CBFA2T3: variants seen among roughly 807,000 people sequenced by gnomAD.
CBFA2T3 encodes the protein CBFA2/RUNX1 partner transcriptional co-repressor 3, also known as transcriptional corepressor CBFA2T3.
A neutral mutation model predicts 58.6 loss-of-function variants in CBFA2T3; 31 were observed. The ratio of observed to expected loss-of-function variants is 0.53; its 90% CI spans 0.40 to 0.71. The LOEUF is 0.71. Ranked by LOEUF, CBFA2T3 falls within the 30% of genes least tolerant of loss-of-function variation. CBFA2T3 has a pLI of 0.00. For missense variants in CBFA2T3, 1,076 were observed against 963.1 expected, an observed-to-expected ratio of 1.12 and a Z score of -1.55; for synonymous variants, 531 against 421.9, an observed-to-expected ratio of 1.26 and a Z score of -3.17.
chr16:88,925,461 G>GA (rs924636586), intron 1 of CBFA2T3, among the ~76,000 whole-genome samples: 1 of 152,196 alleles, frequency 6.6e-6, no homozygotes, highest in Non-Finnish European at 1.5e-5. Flanking sequence ...GCAGGGGAGG[G>GA]AGGCCCTTCC....
chr16:88,951,380 TATC>T (rs1304606159), intron 1 of CBFA2T3: 4 of 455,094 alleles, frequency 8.8e-6, no homozygotes, highest in Non-Finnish European at 1.8e-5. Context: ...CTCATTTCCT[TATC>T]ATACAATTCT....
chr16:88,976,692 C>A lies in CBFA2T3; in HGVS notation c.116G>T (p.Cys39Phe), dbSNP rs775930781. 1.5e-5 allele frequency: 23 copies of A among 1,562,054 alleles called. No homozygotes were observed. The highest frequency in any genetic ancestry group is 2.0e-5 in the Non-Finnish European group (23 of 1,153,234). ...LESGLLASAG[C>F]SAPRGPRKGG... is the part of the protein sequence containing the mutation. ...CTTCCTGGGACCCCGGGGTGCGGAG[C>A]AGCCGGCAGATGCCAGGAGGCCGCT... Residue 39 changes from cysteine to phenylalanine, a missense_variant, in exon 1 of 12, where the codon TGC becomes TTC. Cys to Phe is a radical substitution (Grantham distance 205). Transcript: ENST00000268679.
chr16:88,875,655 G>A lies in CBFA2T3; in HGVS notation c.*1321C>T, dbSNP rs1968804277. ...GCCGAGAGAGGTCGGAGGGCGCGGA[G>A]AGGAGAGAGGTAGAGGAGGACGGGC... On this transcript the variant is annotated 3_prime_UTR_variant, in exon 12 of 12. Coordinates refer to ENST00000268679, the MANE Select transcript of CBFA2T3 (RefSeq NM_005187.6). 8.6e-6 allele frequency: 2 copies of A among 233,702 alleles called. No homozygotes were observed. The highest frequency in any genetic ancestry group is 1.8e-4 in the South Asian group (1 of 5,570). The allele number at this position is 233,702 out of a possible 1,614,324, so 14.5% of individuals were successfully genotyped here.
At chr16:88,908,869 GC>G (rs1159699335) in intron 1 of CBFA2T3, among the ~76,000 whole-genome samples, 1 of 152,246 alleles carries the variant, frequency 6.6e-6, no homozygotes, top group Non-Finnish European at 1.5e-5. Context: ...TGCGTGCCAG[GC>G]CTGACCTGAG....
At chr16:88,892,582 T>A in intron 3 of CBFA2T3, 97 bp from the exon 4 acceptor site, 2 of 1,363,262 alleles carry the variant, frequency 1.5e-6, no homozygotes, top group Non-Finnish European at 1.0e-6. Context: ...AAGGTGACAA[T>A]GTCAAAAGTG....
intron 1 of CBFA2T3, 99 bp downstream of exon 1, chr16:88,976,558 T>C: frequency 1.1e-6 from 1 of 912,980 alleles, no homozygotes; most frequent in Non-Finnish European, 1.7e-6. Context: ...CACTGTCAAC[T>C]AAGCTGGGCA....
rs1480191704 is a variant in CBFA2T3 at position 88,885,283 on chromosome 16, C to T, written c.894-14G>A. The T allele has an allele frequency of 6.6e-7, 1 of 1,516,594 alleles. No homozygotes were observed. Among genetic ancestry groups the T allele is most frequent in the Non-Finnish European group, 8.9e-7 (1 of 1,127,786 alleles). The allele number at this position is 1,516,594 out of a possible 1,614,324, so 93.9% of individuals were successfully genotyped here. A position where few individuals can be genotyped will look rare whatever the true frequency, so the allele number is the denominator to read the frequency against. On this transcript the variant is annotated splice_polypyrimidine_tract_variant and intron_variant, in intron 6 of 11. Transcript: ENST00000268679. The surrounding 1 kb of genome is among the most constrained non-coding windows in gnomAD (Gnocchi z 5.3). ...TTCTCTTTGGTCCTAGCCCCAAGAG[C>T]AGGTGGGGCGAGGGCAGTGGACATA...
intron 11 of CBFA2T3, among the ~76,000 whole-genome samples, 169 bp downstream of exon 11, chr16:88,879,101 T>A (rs978299407): frequency 5.9e-5 from 9 of 152,210 alleles, no homozygotes; most frequent in African/African-American, 1.2e-4. Context: ...CCATGTGGGA[T>A]CTCTGTGCTG....
intron 3 of CBFA2T3, among the ~76,000 whole-genome samples, chr16:88,896,766 C>T (rs779739350): frequency 1.4e-4 from 22 of 152,160 alleles, no homozygotes; most frequent in South Asian, 2.1e-4. Context: ...CCACAGTGCA[C>T]GCCGGGGCCC....
intron 1 of CBFA2T3, among the ~76,000 whole-genome samples, chr16:88,962,597 G>A (rs1972394097): frequency 6.6e-6 from 1 of 152,210 alleles, no homozygotes; most frequent in Non-Finnish European, 1.5e-5. Context: ...TCACCAAAGG[G>A]CACATTTGGG....
chr16:88,905,910 C>T (rs963289220), intron 1 of CBFA2T3, among the ~76,000 whole-genome samples: 1 of 148,738 alleles, frequency 6.7e-6, no homozygotes, highest in African/African-American at 2.6e-5. Context: ...CACCCATTTC[C>T]TTGGCGCTGG....
intron 1 of CBFA2T3, among the ~76,000 whole-genome samples, chr16:88,915,699 G>A (rs1226889377): frequency 2.1e-5 from 2 of 97,306 alleles, no homozygotes; most frequent in African/African-American, 8.2e-5. Context: ...ACGGGGGAGC[G>A]TGGACGGGGG....
chr16:88,877,798 G>A (rs1597651264), intron 11 of CBFA2T3, among the ~76,000 whole-genome samples: 1 of 152,308 alleles, frequency 6.6e-6, no homozygotes, highest in East Asian at 1.9e-4. Context: ...GGGGGTGGGG[G>A]ATGCCACAAA....
intron 1 of CBFA2T3, among the ~76,000 whole-genome samples, chr16:88,948,649 G>C (rs768628451): frequency 9.2e-5 from 14 of 152,212 alleles, no homozygotes; most frequent in Non-Finnish European, 1.9e-4. Context: ...TGCAGAATGA[G>C]GTTCCTAATT....
At position 88,882,767 on chromosome 16, in the gene CBFA2T3, G is replaced by T; in HGVS notation, c.1118-6C>A. 1.3e-6 allele frequency: 2 copies of T among 1,555,682 alleles called. No homozygotes were observed. The highest frequency in any genetic ancestry group is 1.7e-6 in the Non-Finnish European group (2 of 1,145,002). On this transcript the variant is annotated splice_polypyrimidine_tract_variant and splice_region_variant and intron_variant, in intron 7 of 11. Coordinates refer to ENST00000268679, the MANE Select transcript of CBFA2T3 (RefSeq NM_005187.6). Reference sequence around the variant, plus strand: ...CTGCCGGGACCCAGGCACCACTGTGGATGGGGGAGGTGCACGCTTAGGTCC... The same window carrying T: ...CTGCCGGGACCCAGGCACCACTGTGTATGGGGGAGGTGCACGCTTAGGTCC...
At chr16:88,895,787 G>C (rs529837167) in intron 3 of CBFA2T3, among the ~76,000 whole-genome samples, 163 of 152,334 alleles carry the variant, frequency 1.1e-3, no homozygotes, top group Admixed American at 2.4e-3. Flanking sequence ...AGTCCAGACA[G>C]ACACGGCCCT....
intron 1 of CBFA2T3, among the ~76,000 whole-genome samples, chr16:88,932,014 G>A (rs1464238701): frequency 1.3e-5 from 2 of 152,026 alleles, no homozygotes; most frequent in African/African-American, 4.8e-5. Flanking sequence ...TTCACACCGT[G>A]GTACCCCACA....
intron 2 of CBFA2T3, among the ~76,000 whole-genome samples, chr16:88,900,675 C>T (rs564246969): frequency 2.1e-4 from 32 of 152,228 alleles, no homozygotes; most frequent in East Asian, 7.7e-4. Context: ...GAGTCTCCCC[C>T]CTGCAGACAC....
At chr16:88,966,583 C>T (rs1004707696) in intron 1 of CBFA2T3, among the ~76,000 whole-genome samples, 1 of 152,186 alleles carries the variant, frequency 6.6e-6, no homozygotes, top group African/African-American at 2.4e-5. Flanking sequence ...CAGGCCCTGC[C>T]CAGCGCCCAG....
Sources: gnomAD v4.1 joint callset for allele counts (sites outside exome capture counted in the v4.1 genomes callset) on GRCh38, gnomAD v4.1.1 for gene constraint, Gnocchi (gnomAD v3.1) non-coding constraint, MANE v1.5 for transcripts, NCBI Gene and HGNC (gene_info 2026-07-23, HGNC 2026-07-21) for gene names.